Variants in PDE1C observed in about 807,000 individuals in gnomAD.
PDE1C encodes the protein dual specificity calcium/calmodulin-dependent 3',5'-cyclic nucleotide phosphodiesterase 1C.
PDE1C carries 62 observed loss-of-function variants against 93.1 expected under a neutral mutation model. The observed-to-expected ratio is 0.67, with a 90% CI of 0.54 to 0.82. The LOEUF is 0.82. Ranked by LOEUF, PDE1C falls within the 40% of genes least tolerant of loss-of-function variation. PDE1C has a pLI of 0.00. For synonymous variants in PDE1C, 325 were observed against 310.1 expected (o/e 1.05, Z -0.50); for missense variants, 742 against 884.6 (o/e 0.84, Z 2.04).
the PDE1C span, chr7:31,653,105 G>C: frequency 3.3e-6 from 2 of 611,154 alleles, no homozygotes; most frequent in Non-Finnish European, 4.8e-6. Context: ...ACAGTGTAGT[G>C]GGGGAGATAG....
intron 1 of PDE1C, among the ~76,000 whole-genome samples, chr7:32,258,589 G>A (rs1809976005): frequency 6.6e-6 from 1 of 152,076 alleles, no homozygotes; most frequent in Non-Finnish European, 1.5e-5. Context: ...CCAGCCATGG[G>A]AATTCAAGAC....
At chr7:31,749,694 T>C (rs958153866), downstream of PDE1C, among the ~76,000 whole-genome samples, 5 of 151,694 alleles carry the variant, frequency 3.3e-5, no homozygotes, top group African/African-American at 4.8e-5. Flanking sequence ...TGAGAAATCC[T>C]CTGCAAAGGG....
chr7:31,784,899 T>C lies in PDE1C; in HGVS notation c.1892-9167A>G, dbSNP rs1783761876. On this transcript the variant is annotated intron_variant, in intron 16 of 17. Coordinates refer to ENST00000396191, the MANE Select transcript of PDE1C (RefSeq NM_001191057.4). ...GTTTTTCCTATCCATCTATATATATTAATATAATATGTGACTGTATTTCTG... is the reference window on the plus strand; with the variant it reads ...GTTTTTCCTATCCATCTATATATATCAATATAATATGTGACTGTATTTCTG... The C allele has an allele frequency of 2.6e-5, 4 of 152,112 alleles. No individual in the cohort carries two copies. In the South Asian group the frequency reaches 8.3e-4, roughly 32 times the overall value. The allele number at this position is 152,112 out of a possible 1,614,324, so 9.4% of individuals were successfully genotyped here. A position where few individuals can be genotyped will look rare whatever the true frequency, so the allele number is the denominator to read the frequency against.
At chr7:31,632,680 G>T in the PDE1C span, among the ~76,000 whole-genome samples, 1 of 152,074 alleles carries the variant, frequency 6.6e-6, no homozygotes, top group Non-Finnish European at 1.5e-5. Context: ...AAATCTAGCA[G>T]CAGGAAAAGA....
intron 1 of PDE1C, among the ~76,000 whole-genome samples, chr7:32,358,416 G>A (rs215696): frequency 0.67 from 102,652 of 152,108 alleles, 35,387 homozygotes; most frequent in Admixed American, 0.79. Context: ...TCAAGCTGCA[G>A]TGTGTTCATT....
intron 9 of PDE1C, among the ~76,000 whole-genome samples, chr7:31,845,416 C>T (rs1461981632): frequency 6.6e-6 from 1 of 151,944 alleles, no homozygotes; most frequent in Non-Finnish European, 1.5e-5. Context: ...TTTGTTTTAG[C>T]AGGCAATTAA....
chr7:32,048,159 G>C (rs1792854832), intron 2 of PDE1C, among the ~76,000 whole-genome samples: 1 of 152,170 alleles, frequency 6.6e-6, no homozygotes, highest in South Asian at 2.1e-4. Flanking sequence ...CCCAGAGAAG[G>C]TCTCAAGCAA....
chr7:32,285,719 G>A (rs1195535739), intron 1 of PDE1C, among the ~76,000 whole-genome samples: 2 of 149,464 alleles, frequency 1.3e-5, no homozygotes, highest in Admixed American at 1.3e-4. Flanking sequence ...GGGAGGAGAG[G>A]GGAAGGGAAG....
At chr7:31,929,848 C>T (rs1312442005) in intron 2 of PDE1C, among the ~76,000 whole-genome samples, 2 of 151,562 alleles carry the variant, frequency 1.3e-5, no homozygotes, top group Admixed American at 6.6e-5. Context: ...GATTTAATAT[C>T]ACAATTAAAA....
chr7:31,823,019 G>C, intron 14 of PDE1C, 54 bp downstream of exon 14: 1 of 1,437,564 alleles, frequency 7.0e-7, no homozygotes, highest in South Asian at 1.4e-5. Context: ...ATAACTCAGA[G>C]AGGACAACCT....
intron 16 of PDE1C, 137 bp downstream of exon 16, chr7:31,808,894 T>C: frequency 1.8e-6 from 1 of 565,036 alleles, no homozygotes; most frequent in Non-Finnish European, 3.2e-6. Context: ...AATAGTACCC[T>C]TTAAATATAG....
At chr7:31,642,029 C>G in the PDE1C span, 1 of 508,074 alleles carries the variant, frequency 2.0e-6, no homozygotes, top group Admixed American at 3.8e-5. Flanking sequence ...AAAAAATGTC[C>G]TTGGAATTCC....
At chr7:32,370,308 G>A (rs1784307508) in intron 1 of PDE1C, among the ~76,000 whole-genome samples, 1 of 152,054 alleles carries the variant, frequency 6.6e-6, no homozygotes, top group African/African-American at 2.4e-5. Flanking sequence ...AATTAGCTGG[G>A]CGTGGTGGCG....
the PDE1C span, chr7:31,707,599 G>A: frequency 8.3e-5 from 23 of 275,814 alleles, no homozygotes; most frequent in Middle Eastern, 1.1e-3. Flanking sequence ...ATCAATTCAC[G>A]GAACAGAGAT....
chr7:31,763,076 C>G (rs976476804), intron 17 of PDE1C, among the ~76,000 whole-genome samples: 7 of 152,184 alleles, frequency 4.6e-5, no homozygotes, highest in Middle Eastern at 3.4e-3. Context: ...GCCCAAACAT[C>G]AGTATGTTTG....
chr7:31,712,176 A>G, the PDE1C span, among the ~76,000 whole-genome samples: 5 of 152,212 alleles, frequency 3.3e-5, no homozygotes, highest in Non-Finnish European at 7.3e-5. Flanking sequence ...ACTGTTGTGT[A>G]AGGTCCATAA....
chr7:32,067,372 G>A (rs183901628), intron 1 of PDE1C, among the ~76,000 whole-genome samples: 2 of 152,192 alleles, frequency 1.3e-5, no homozygotes, highest in Admixed American at 1.3e-4. Context: ...ATTCTAGCTG[G>A]AGGAGACAGA....
intron 9 of PDE1C, among the ~76,000 whole-genome samples, chr7:31,840,393 G>A (rs1791703637): frequency 6.6e-6 from 1 of 152,066 alleles, no homozygotes; most frequent in South Asian, 2.1e-4. Context: ...TAAGTGTTGT[G>A]AATAATTTCT....
chr7:31,640,210 T>G, the PDE1C span, among the ~76,000 whole-genome samples: 3 of 152,218 alleles, frequency 2.0e-5, no homozygotes, highest in Admixed American at 2.0e-4. Context: ...CAATGTCCTG[T>G]GAAATAGGAG....
Sources: allele counts gnomAD v4.1 joint callset (sites outside exome capture counted in the v4.1 genomes callset), GRCh38; gene constraint gnomAD v4.1.1; transcripts MANE v1.5; gene names NCBI Gene and HGNC (gene_info 2026-07-23, HGNC 2026-07-21).